The following TNIK variants were observed in gnomAD, a reference collection of about 807,000 sequenced individuals.
TNIK encodes the protein TRAF2 and NCK-interacting protein kinase.
In TNIK, 49 loss-of-function variants were observed where a neutral mutation model predicts 191.3. The ratio of observed to expected loss-of-function variants is 0.26; its 90% CI spans 0.20 to 0.32. TNIK has a LOEUF of 0.32. TNIK is among the 10% of genes least tolerant of loss of function. TNIK has a pLI of 1.00. For synonymous variants in TNIK, 594 were observed against 600.9 expected (o/e 0.99, Z 0.17); for missense variants, 1,155 against 1,702.3 (o/e 0.68, Z 5.66).
chr3:171,083,502 C>A (rs1720943612), intron 26 of TNIK, among the ~76,000 whole-genome samples: 1 of 152,128 alleles, frequency 6.6e-6, no homozygotes, highest in Non-Finnish European at 1.5e-5. Flanking sequence ...TAACACAGAC[C>A]AAGACTTTGA....
chr3:171,080,077 T>C (rs375879369), intron 27 of TNIK, among the ~76,000 whole-genome samples: 6 of 152,134 alleles, frequency 3.9e-5, no homozygotes, highest in Admixed American at 1.3e-4. Context: ...TATAACCTAA[T>C]AACAAACAAG....
intron 21 of TNIK, chr3:171,106,688 GATTC>G (rs745722313): frequency 3.7e-6 from 2 of 533,986 alleles, no homozygotes; most frequent in South Asian, 2.8e-5. Context: ...AACTTTCCAG[GATTC>G]ATTAACTAAA....
chr3:171,388,161 C>T (rs946542211), intron 1 of TNIK, among the ~76,000 whole-genome samples: 1 of 152,190 alleles, frequency 6.6e-6, no homozygotes, highest in Admixed American at 6.5e-5. Context: ...CAAAGACTGG[C>T]CTGGGCCAGA....
intron 2 of TNIK, among the ~76,000 whole-genome samples, chr3:171,245,106 A>G (rs1363211483): frequency 6.6e-6 from 1 of 152,206 alleles, no homozygotes; most frequent in Admixed American, 6.5e-5. Flanking sequence ...TGAATAAAGG[A>G]TGCAGTAGTT....
At chr3:171,263,657 G>A (rs1747970306) in intron 2 of TNIK, among the ~76,000 whole-genome samples, 1 of 152,102 alleles carries the variant, frequency 6.6e-6, no homozygotes, top group Admixed American at 6.5e-5. Flanking sequence ...CTAAAGGAGT[G>A]AATAGTAAGT....
chr3:171,194,719 G>T, intron 4 of TNIK, 84 bp from the exon 5 acceptor site: 1 of 1,226,414 alleles, frequency 8.2e-7, no homozygotes, highest in Non-Finnish European at 1.2e-6. Flanking sequence ...CAAGCAATTG[G>T]CTGCTTTGGA....
intron 21 of TNIK, among the ~76,000 whole-genome samples, chr3:171,106,190 C>T (rs962330033): frequency 6.6e-6 from 1 of 152,206 alleles, no homozygotes; most frequent in African/African-American, 2.4e-5. Flanking sequence ...TGGCCCAAAC[C>T]TTAATCAAAC....
rs533889939 is a variant in TNIK at position 171,103,850 on chromosome 3, G to T, written c.2407-2217C>A. 2.6e-5 allele frequency among the ~76,000 whole-genome samples: 4 copies of T among 152,034 alleles called. No individual in the cohort carries two copies. The East Asian group carries it at 7.7e-4, about 29-fold the overall frequency. ...TCTGACATTTCAAAACGAGACAAAA[G>T]AAATTCTAAAAAATCAAAATTATTT... On this transcript the variant is annotated intron_variant, in intron 21 of 32. Transcript: ENST00000436636.
At position 171,460,247 on chromosome 3, in the gene TNIK, G is replaced by A; in HGVS notation, c.-184C>T. 6.8e-6 allele frequency: 5 copies of A among 733,976 alleles called. No homozygotes were observed. The highest frequency in any genetic ancestry group is 4.4e-6 in the Non-Finnish European group (2 of 449,858). The allele number at this position is 733,976 out of a possible 1,614,324, so 45.5% of individuals were successfully genotyped here. The stretch of plus-strand genomic sequence containing the variant: ...CCGATCCTCCGCGCGTCGGTCCGCC[G>A]GGTCCGGGAGCCCAGCCTGCGCGGA... On this transcript the variant is annotated 5_prime_UTR_variant, in exon 1 of 33. Transcript: ENST00000436636. This position sits in a 1 kb window ranked among gnomAD's most constrained non-coding sequence, Gnocchi z 6.8.
chr3:171,293,909 A>C, intron 2 of TNIK, among the ~76,000 whole-genome samples: 1 of 152,148 alleles, frequency 6.6e-6, no homozygotes, highest in Admixed American at 6.5e-5. Flanking sequence ...GCAAGAGCTC[A>C]TCTCTACAAA....
rs1036086151 is a variant in TNIK, at chr3:171,392,133, A to G, written c.58-22448T>C. On this transcript the variant is annotated intron_variant, in intron 1 of 32. Transcript: ENST00000436636. ...CACAAAATCAGCTAATTCATTAAAAAGAAATTACATTATATGCCCCATTAC... is the reference window on the plus strand; with the variant it reads ...CACAAAATCAGCTAATTCATTAAAAGGAAATTACATTATATGCCCCATTAC... 6.6e-5 allele frequency among the ~76,000 whole-genome samples: 10 copies of G among 152,382 alleles called. 1 individual carries two copies. The East Asian group carries it at 1.7e-3, about 26-fold the overall frequency.
At chr3:171,119,299 T>A (rs1241070992) in intron 18 of TNIK, among the ~76,000 whole-genome samples, 1 of 152,214 alleles carries the variant, frequency 6.6e-6, no homozygotes, top group Non-Finnish European at 1.5e-5. Flanking sequence ...CAACACGTCC[T>A]GGAGAGGATG....
rs187345290 is a variant in TNIK, at chr3:171,223,197, G to A, written c.180+4968C>T. Among the ~76,000 whole-genome samples, 19 of 152,188 alleles carry A rather than the reference G, an allele frequency of 1.2e-4. No homozygotes were observed. In the East Asian group the frequency reaches 2.3e-3, roughly 19 times the overall value. ...CCTCTCAGCCTCATGCCTTGGCACC[G>A]GCTGTATTCTTGGCTGGAATGTCCT... is the stretch of plus-strand genomic sequence containing the variant. On this transcript the variant is annotated intron_variant, in intron 3 of 32. Transcript: ENST00000436636.
intron 2 of TNIK, among the ~76,000 whole-genome samples, chr3:171,324,873 C>T (rs1033463896): frequency 2.8e-4 from 42 of 152,040 alleles, no homozygotes; most frequent in African/African-American, 9.9e-4. Context: ...CCAAGGCGGG[C>T]GGATCACGAG....
intron 30 of TNIK, among the ~76,000 whole-genome samples, 198 bp downstream of exon 30, chr3:171,068,650 C>A (rs540490488): frequency 6.6e-6 from 1 of 152,202 alleles, no homozygotes; most frequent in Admixed American, 6.5e-5. Flanking sequence ...ATGTATTCCC[C>A]AATTTTAGGA....
At chr3:171,182,759 A>C (rs1736826287) in intron 7 of TNIK, among the ~76,000 whole-genome samples, 1 of 152,148 alleles carries the variant, frequency 6.6e-6, no homozygotes, top group Admixed American at 6.5e-5. Flanking sequence ...GAAAAGCAAC[A>C]CGTTTAGATG....
At chr3:171,372,301 G>A (rs952679388) in intron 1 of TNIK, among the ~76,000 whole-genome samples, 1 of 152,212 alleles carries the variant, frequency 6.6e-6, no homozygotes, top group African/African-American at 2.4e-5. Context: ...GTAAAGTTCA[G>A]AGGAACTAAA....
intron 24 of TNIK, among the ~76,000 whole-genome samples, chr3:171,086,887 A>T (rs936723230): frequency 6.6e-6 from 1 of 152,256 alleles, no homozygotes; most frequent in East Asian, 1.9e-4. Context: ...CTAAGAACTT[A>T]TCTATTTATT....
chr3:171,197,805 A>T (rs1432794267), intron 4 of TNIK, among the ~76,000 whole-genome samples: 3 of 152,240 alleles, frequency 2.0e-5, no homozygotes, highest in African/African-American at 7.2e-5. Flanking sequence ...ACCTCTATAC[A>T]TTGCTAATGG....
Sources: gnomAD v4.1 joint callset for allele counts (sites outside exome capture counted in the v4.1 genomes callset) on GRCh38, gnomAD v4.1.1 for gene constraint, Gnocchi (gnomAD v3.1) non-coding constraint, MANE v1.5 for transcripts, NCBI Gene and HGNC (gene_info 2026-07-23, HGNC 2026-07-21) for gene names.